AKAP6: variants seen among roughly 807,000 people sequenced by gnomAD.
AKAP6 encodes the protein A-kinase anchoring protein 6.
Under a neutral mutation model 188.5 loss-of-function variants are expected in AKAP6, and 58 were observed. The observed-to-expected ratio is 0.31, with a 90% CI of 0.25 to 0.38. AKAP6 has a LOEUF of 0.38. Among genes scored for constraint, AKAP6 ranks in the 10% least tolerant of loss-of-function variants. AKAP6 has a pLI of 1.00. For synonymous variants in AKAP6, 989 were observed against 998.6 expected (o/e 0.99, Z 0.18); for missense variants, 2,710 against 2,740.0 (o/e 0.99, Z 0.24).
Position 32,482,236 on chromosome 14 carries a change from G to T in AKAP6, c.324+48419G>T, listed in dbSNP as rs530179223. Reference sequence around the variant, plus strand: ...TCCTATCTGAGAATAAAAGCCTGAAGTTCTTGCAATGGCTCTGTGTGAACT... The same window carrying T: ...TCCTATCTGAGAATAAAAGCCTGAATTTCTTGCAATGGCTCTGTGTGAACT... On this transcript the variant is annotated intron_variant, in intron 2 of 13. Transcript: ENST00000280979. 2.0e-5 allele frequency among the ~76,000 whole-genome samples: 3 copies of T among 152,278 alleles called. No homozygotes were observed. The South Asian group carries it at 6.2e-4, about 32-fold the overall frequency.
intron 2 of AKAP6, among the ~76,000 whole-genome samples, chr14:32,468,335 A>G (rs1386869453): frequency 6.6e-6 from 1 of 152,182 alleles, no homozygotes; most frequent in African/African-American, 2.4e-5. Flanking sequence ...TGTGGGACTT[A>G]GTTTTCATCC....
At chr14:32,581,856 C>T (rs910729273) in intron 5 of AKAP6, among the ~76,000 whole-genome samples, 30 of 152,246 alleles carry the variant, frequency 2.0e-4, no homozygotes, top group African/African-American at 7.2e-4. Flanking sequence ...GGTAGATCTT[C>T]CTCCATCCTT....
intron 2 of AKAP6, chr14:32,494,274 A>G (rs771575798): frequency 3.3e-5 from 5 of 152,256 alleles, no homozygotes; most frequent in Non-Finnish European, 7.4e-5. Flanking sequence ...TGTGGAAACC[A>G]TGAGTAGGGT....
At chr14:32,333,450 C>G (rs1348119054) in intron 1 of AKAP6, among the ~76,000 whole-genome samples, 1 of 152,112 alleles carries the variant, frequency 6.6e-6, no homozygotes, top group Admixed American at 6.6e-5. Context: ...TCTTCCCCAG[C>G]TACATTCTAG....
rs916520227 is a variant in AKAP6, at chr14:32,545,810, A to G, written c.1157A>G (p.Gln386Arg). 4.3e-6 allele frequency: 7 copies of G among 1,614,106 alleles called. No individual in the cohort carries two copies. Among genetic ancestry groups the G allele is most frequent in the Non-Finnish European group, 5.9e-6 (7 of 1,180,042 alleles). The part of the protein sequence containing the change: ...CFNYNEDSPT[Q>R]PTLPKRGLFL... The stretch of plus-strand genomic sequence containing the variant: ...AATTATAACGAGGACTCTCCCACGC[A>G]GCCTACATTGCCAAAAAGAGGACTT... Residue 386 changes from glutamine to arginine, a missense_variant, in exon 4 of 14, where the codon CAG (glutamine) becomes CGG (arginine). Physicochemically the swap from Gln to Arg is conservative, Grantham distance 43. Around this residue, in one of 2 missense-constraint regions of AKAP6, gnomAD observed 2,473 missense variants for 2,426.1 expected, o/e 1.02. Coordinates refer to ENST00000280979, the MANE Select transcript of AKAP6 (RefSeq NM_004274.5).
At chr14:32,451,186 A>G (rs995832237) in intron 2 of AKAP6, among the ~76,000 whole-genome samples, 7 of 152,228 alleles carry the variant, frequency 4.6e-5, no homozygotes, top group East Asian at 1.9e-4. Flanking sequence ...TGGCTGGTAT[A>G]CAAGAAAATA....
intron 12 of AKAP6, among the ~76,000 whole-genome samples, chr14:32,795,108 C>G (rs1385797588): frequency 1.3e-5 from 2 of 152,082 alleles, no homozygotes; most frequent in Non-Finnish European, 2.9e-5. Flanking sequence ...GCTGAATAGA[C>G]CAATAATGAG....
At position 32,546,008 on chromosome 14, in the gene AKAP6, C is replaced by A; in HGVS notation, c.1355C>A (p.Ala452Asp). Residue 452 changes from alanine to aspartate, a missense_variant, in exon 4 of 14, where the codon GCC becomes GAC. Physicochemically the swap from Ala to Asp is moderately radical, Grantham distance 126. Coordinates refer to ENST00000280979, the MANE Select transcript of AKAP6 (RefSeq NM_004274.5). ...QSSYPNSPSAASQSYECLHKV... is the reference protein window; with the variant it reads ...QSSYPNSPSADSQSYECLHKV... ...TCTTACCCCAACAGCCCTTCTGCTGCCAGCCAGTCTTATGAGTGTTTACAC... is the reference window on the plus strand; with the variant it reads ...TCTTACCCCAACAGCCCTTCTGCTGACAGCCAGTCTTATGAGTGTTTACAC... 6 of 1,614,140 alleles carry A rather than the reference C, an allele frequency of 3.7e-6. No individual in the cohort carries two copies. Among genetic ancestry groups the A allele is most frequent in the Non-Finnish European group, 5.1e-6 (6 of 1,180,020 alleles).
At chr14:32,387,788 A>C (rs567302304) in intron 1 of AKAP6, among the ~76,000 whole-genome samples, 82 of 146,488 alleles carry the variant, frequency 5.6e-4, no homozygotes, top group Non-Finnish European at 1.0e-3. Flanking sequence ...CATCAGGGCT[A>C]TTGGTCTGTA....
chr14:32,764,998 G>A (rs1009277164), intron 11 of AKAP6, among the ~76,000 whole-genome samples: 1 of 147,908 alleles, frequency 6.8e-6, no homozygotes, highest in Non-Finnish European at 1.5e-5. Flanking sequence ...GCGGTGGTGC[G>A]ATCTCGGCTC....
chr14:32,801,312 A>C (rs1018750207), intron 12 of AKAP6, among the ~76,000 whole-genome samples: 1 of 152,004 alleles, frequency 6.6e-6, no homozygotes, highest in African/African-American at 2.4e-5. Flanking sequence ...TCTTTAAAAA[A>C]TTTAGAGGTT....
At chr14:32,621,028 A>G (rs1443212640) in intron 7 of AKAP6, among the ~76,000 whole-genome samples, 1 of 151,878 alleles carries the variant, frequency 6.6e-6, no homozygotes, top group Non-Finnish European at 1.5e-5. Context: ...TTCGTTTCTA[A>G]TTGAGCTTAT....
chr14:32,438,383 G>A (rs139481844), intron 2 of AKAP6, among the ~76,000 whole-genome samples: 9 of 152,258 alleles, frequency 5.9e-5, no homozygotes, highest in Non-Finnish European at 7.3e-5. Context: ...TCTAAACCCA[G>A]AGACACTCTT....
chr14:32,783,840 G>T (rs1351759009), intron 12 of AKAP6, among the ~76,000 whole-genome samples: 1 of 152,148 alleles, frequency 6.6e-6, no homozygotes, highest in Non-Finnish European at 1.5e-5. Context: ...TTCAGAGTCA[G>T]TGTCCTGAAT....
At chr14:32,742,557 T>A (rs2031726145) in intron 11 of AKAP6, among the ~76,000 whole-genome samples, 1 of 152,198 alleles carries the variant, frequency 6.6e-6, no homozygotes, top group East Asian at 1.9e-4. Context: ...TAGGTTTTGG[T>A]ATGTTGTATT....
chr14:32,332,985 G>C (rs558091810), intron 1 of AKAP6, among the ~76,000 whole-genome samples: 16 of 152,170 alleles, frequency 1.1e-4, no homozygotes, highest in African/African-American at 3.9e-4. Flanking sequence ...GCTGTTCTTT[G>C]TTTGAGTGTG....
In AKAP6 at chr14:32,823,574, G is replaced by T. The variant is rs762304967; in HGVS notation, c.5761G>T (p.Gly1921Cys). Residue 1921 changes from glycine to cysteine, a missense_variant, in exon 13 of 14, where the codon GGT becomes TGT. Transcript: ENST00000280979. ...NVTSKVSENL[G>C]SHGKEISESE... ...GACTTCAAAGGTATCAGAAAATCTT[G>T]GTTCACATGGGAAAGAGATTTCAGA... The T allele has an allele frequency of 6.2e-7, 1 of 1,613,876 alleles. No individual in the cohort carries two copies. Among genetic ancestry groups the T allele is most frequent in the Non-Finnish European group, 8.5e-7 (1 of 1,179,900 alleles).
At chr14:32,781,439 G>A (rs1408185464) in intron 12 of AKAP6, among the ~76,000 whole-genome samples, 1 of 151,682 alleles carries the variant, frequency 6.6e-6, no homozygotes, top group East Asian at 1.9e-4. Flanking sequence ...AACCTCCCCA[G>A]AAAGAAAATT....
intron 7 of AKAP6, among the ~76,000 whole-genome samples, chr14:32,655,678 A>G (rs1353809811): frequency 6.6e-6 from 1 of 152,180 alleles, no homozygotes; most frequent in African/African-American, 2.4e-5. Context: ...CGTTTCATGC[A>G]GAAGAAATAT....
Sources: allele counts gnomAD v4.1 joint callset (sites outside exome capture counted in the v4.1 genomes callset), GRCh38; gene constraint gnomAD v4.1.1; regional missense constraint gnomAD v4.1.1; transcripts MANE v1.5; gene names NCBI Gene and HGNC (gene_info 2026-07-23, HGNC 2026-07-21).